The following COL4A4 variants were observed in gnomAD, a reference collection of about 807,000 sequenced individuals.
COL4A4 encodes the protein collagen type IV alpha 4 chain.
In COL4A4, 105 loss-of-function variants were observed where a neutral mutation model predicts 192.9. That is an observed-to-expected ratio of 0.54 (90% CI 0.46 to 0.64). The LOEUF (loss-of-function observed/expected upper bound fraction) is 0.64. Among genes scored for constraint, COL4A4 ranks in the 30% least tolerant of loss-of-function variants. The pLI is 0.00. For missense variants in COL4A4, 1,967 were observed against 2,169.3 expected, an observed-to-expected ratio of 0.91 and a Z score of 1.85; for synonymous variants, 762 against 769.9, an observed-to-expected ratio of 0.99 and a Z score of 0.17.
intron 1 of COL4A4, among the ~76,000 whole-genome samples, chr2:227,153,336 C>G (rs1295377410): frequency 6.6e-6 from 1 of 152,162 alleles, no homozygotes; most frequent in Non-Finnish European, 1.5e-5. Context: ...AAGATTCCCT[C>G]TACAGGAAAC....
At position 227,005,271 on chromosome 2, in the gene COL4A4, A is replaced by C. The variant is rs995503787; in HGVS notation, c.*2054T>G. 2.0e-5 allele frequency: 3 copies of C among 152,102 alleles called. No individual in the cohort carries two copies. Among genetic ancestry groups the C allele is most frequent in the Non-Finnish European group, 2.9e-5 (2 of 68,022 alleles). The allele number at this position is 152,102 out of a possible 1,614,324, so 9.4% of individuals were successfully genotyped here. A position where few individuals can be genotyped will look rare whatever the true frequency, so the allele number is the denominator to read the frequency against. On this transcript the variant is annotated 3_prime_UTR_variant, in exon 48 of 48. Coordinates refer to ENST00000396625, the MANE Select transcript of COL4A4 (RefSeq NM_000092.5). Reference sequence around the variant, plus strand: ...TCTAATACCAACATTAAAGTGTTTAAAATAATTAGCAAGCAAGATACGTTT... The same window carrying C: ...TCTAATACCAACATTAAAGTGTTTACAATAATTAGCAAGCAAGATACGTTT...
the COL4A4 span, among the ~76,000 whole-genome samples, chr2:226,973,557 G>A: frequency 6.6e-6 from 1 of 152,196 alleles, no homozygotes; most frequent in Non-Finnish European, 1.5e-5. Context: ...ATGATTCCTA[G>A]ATGTAATATT....
At chr2:227,124,758 CT>C (rs2061991487) in intron 4 of COL4A4, among the ~76,000 whole-genome samples, 1 of 152,202 alleles carries the variant, frequency 6.6e-6, no homozygotes, top group Non-Finnish European at 1.5e-5. Context: ...TTCAGAGCAC[CT>C]TTCTGTCTAA....
At chr2:227,020,099 C>G (rs544126088) in intron 44 of COL4A4, among the ~76,000 whole-genome samples, 289 of 152,284 alleles carry the variant, frequency 1.9e-3, no homozygotes, top group African/African-American at 6.7e-3. Context: ...TCTTACTCAC[C>G]CATACCACCT....
At chr2:227,157,077 G>A (rs2064410710) in intron 1 of COL4A4, among the ~76,000 whole-genome samples, 1 of 152,080 alleles carries the variant, frequency 6.6e-6, no homozygotes, top group African/African-American at 2.4e-5. Flanking sequence ...TAGATCATAT[G>A]CTGGATCATA....
chr2:227,009,736 GAGAAGAGAAGAGAGAA>G (rs1963182824), intron 46 of COL4A4, among the ~76,000 whole-genome samples: 3 of 141,074 alleles, frequency 2.1e-5, no homozygotes, highest in Non-Finnish European at 4.7e-5. Flanking sequence ...GAAGAGAAAA[GAGAAGAGAAGAGAGAA>G]GAGAAGAGGG....
At chr2:226,993,786 A>G in the COL4A4 span, among the ~76,000 whole-genome samples, 136 of 152,314 alleles carry the variant, frequency 8.9e-4, no homozygotes, top group African/African-American at 2.5e-3. Context: ...CTCTTTGACA[A>G]CGGAAACTTC....
chr2:227,041,318 C>T (rs1392108611), intron 37 of COL4A4, among the ~76,000 whole-genome samples: 1 of 151,960 alleles, frequency 6.6e-6, no homozygotes, highest in African/African-American at 2.4e-5. Flanking sequence ...AATAATGGGC[C>T]TGAACATCAT....
chr2:226,998,230 T>C (rs956640444), downstream of COL4A4: 1 of 152,184 alleles, frequency 6.6e-6, no homozygotes, highest in Non-Finnish European at 1.5e-5. Context: ...ATTCCAAAGT[T>C]GTACATAATT....
chr2:227,041,848 G>GAGAGAGAGAGAGAA (rs1971305412), intron 37 of COL4A4, among the ~76,000 whole-genome samples: 3 of 38,734 alleles, frequency 7.7e-5, no homozygotes, highest in African/African-American at 3.7e-4. Flanking sequence ...AAGAAAGAAA[G>GAGAGAGAGAGAGAA]AGAAAGAAAG....
chr2:226,988,391 A>G, the COL4A4 span: 1 of 1,550,518 alleles, frequency 6.4e-7, no homozygotes. Context: ...AAAGGTCAGA[A>G]CAGACAAAGG....
intron 1 of COL4A4, among the ~76,000 whole-genome samples, chr2:227,161,688 AT>A (rs1253082387): frequency 6.6e-6 from 1 of 152,162 alleles, no homozygotes; most frequent in East Asian, 1.9e-4. Flanking sequence ...ATCTTGGTGA[AT>A]GTGGGATCTG....
chr2:227,079,576 C>T (rs961108452), intron 24 of COL4A4, among the ~76,000 whole-genome samples: 3 of 152,152 alleles, frequency 2.0e-5, no homozygotes, highest in African/African-American at 7.2e-5. Flanking sequence ...CATGGTCTTT[C>T]CCTGTTGCAA....
chr2:227,066,152 G>C (rs2058325774), intron 25 of COL4A4, among the ~76,000 whole-genome samples: 1 of 152,050 alleles, frequency 6.6e-6, no homozygotes, highest in South Asian at 2.1e-4. Context: ...GAAGCGAGAA[G>C]GGAAGTTTAG....
chr2:227,144,566 A>G lies in COL4A4; in HGVS notation c.72-8T>C, dbSNP rs1361295694. 1.3e-6 allele frequency: 2 copies of G among 1,594,206 alleles called. No homozygotes were observed. Among genetic ancestry groups the G allele is most frequent in the Non-Finnish European group, 1.7e-6 (2 of 1,162,106 alleles). ...AGAATGAGTATAAGTGACCTACAGA[A>G]AAACAAAAACGCAGATTAATTTAAA... On this transcript the variant is annotated splice_region_variant and splice_polypyrimidine_tract_variant and intron_variant, in intron 2 of 47. Transcript: ENST00000396625.
chr2:227,129,412 T>TA (rs11399893), intron 4 of COL4A4, among the ~76,000 whole-genome samples: 3 of 50,552 alleles, frequency 5.9e-5, no homozygotes, highest in African/African-American at 2.3e-4. Context: ...TCTAGTATAC[T>TA]TTTTTTTTTT....
chr2:227,148,691 TGACTC>T (rs1374066665), intron 1 of COL4A4, among the ~76,000 whole-genome samples: 15 of 152,106 alleles, frequency 9.9e-5, no homozygotes, highest in Non-Finnish European at 1.9e-4. Context: ...TTTTAAAACT[TGACTC>T]GAAGAAGTCT....
intron 4 of COL4A4, among the ~76,000 whole-genome samples, chr2:227,127,569 C>T (rs1159227480): frequency 6.6e-6 from 1 of 152,122 alleles, no homozygotes; most frequent in Non-Finnish European, 1.5e-5. Flanking sequence ...TATTTCATAA[C>T]AACTTAGTAA....
At chr2:227,063,796 T>TAAA (rs1977737836) in intron 25 of COL4A4, among the ~76,000 whole-genome samples, 1 of 151,856 alleles carries the variant, frequency 6.6e-6, no homozygotes, top group Admixed American at 6.6e-5. Flanking sequence ...CAAAAGACTA[T>TAAA]AAAAATAATT....
Sources: gnomAD v4.1 joint callset for allele counts (sites outside exome capture counted in the v4.1 genomes callset) on GRCh38, gnomAD v4.1.1 for gene constraint, MANE v1.5 for transcripts, NCBI Gene and HGNC (gene_info 2026-07-23, HGNC 2026-07-21) for gene names.